ADAM12: variants seen among roughly 807,000 people sequenced by gnomAD.
ADAM12 encodes the protein disintegrin and metalloproteinase domain-containing protein 12.
In ADAM12, 70 loss-of-function variants were observed where a neutral mutation model predicts 106.4. The observed-to-expected ratio is 0.66, with a 90% CI of 0.54 to 0.80. ADAM12 has a LOEUF of 0.80. Among genes scored for constraint, ADAM12 ranks in the 30% least tolerant of loss-of-function variants. The pLI, the probability that ADAM12 is intolerant of heterozygous loss-of-function variation, is 0.00. For synonymous variants in ADAM12, 420 were observed against 433.5 expected (o/e 0.97, Z 0.39); for missense variants, 1,010 against 1,171.9 (o/e 0.86, Z 2.02).
chr10:126,143,612 TGG>T (rs541458809), intron 4 of ADAM12, among the ~76,000 whole-genome samples: 1 of 148,762 alleles, frequency 6.7e-6, no homozygotes, highest in Non-Finnish European at 1.5e-5. Context: ...TGTATGTATA[TGG>T]GGGTGCGTGG....
At chr10:126,321,228 A>T (rs547775992) in intron 2 of ADAM12, among the ~76,000 whole-genome samples, 29 of 152,334 alleles carry the variant, frequency 1.9e-4, no homozygotes, top group Admixed American at 6.5e-4. Flanking sequence ...TATATTTTAC[A>T]ATTTCTGTCT....
intron 3 of ADAM12, among the ~76,000 whole-genome samples, chr10:126,176,749 C>T (rs1304434464): frequency 6.6e-6 from 1 of 152,150 alleles, no homozygotes; most frequent in Non-Finnish European, 1.5e-5. Flanking sequence ...CGGCTCTGAA[C>T]AAAATCTCTC....
intron 1 of ADAM12, among the ~76,000 whole-genome samples, chr10:126,358,106 G>A (rs928452950): frequency 6.6e-6 from 1 of 151,788 alleles, no homozygotes; most frequent in Admixed American, 6.6e-5. Context: ...TGAACCCCGG[G>A]GGGTGGAACC....
At chr10:126,107,431 G>C (rs931056073) in intron 8 of ADAM12, among the ~76,000 whole-genome samples, 1 of 152,322 alleles carries the variant, frequency 6.6e-6, no homozygotes, top group East Asian at 1.9e-4. Context: ...GATGCAGAGT[G>C]CATAAGGTCT....
chr10:126,095,365 T>G (rs1186765889), intron 10 of ADAM12, among the ~76,000 whole-genome samples: 1 of 151,748 alleles, frequency 6.6e-6, no homozygotes, highest in Non-Finnish European at 1.5e-5. Context: ...AAACCCTGTC[T>G]CTACTAAAAA....
intron 5 of ADAM12, among the ~76,000 whole-genome samples, chr10:126,125,594 C>T (rs554011886): frequency 5.9e-5 from 9 of 152,100 alleles, no homozygotes; most frequent in African/African-American, 2.2e-4. Context: ...AAGCAGATAA[C>T]ATGAGCCCAT....
chr10:126,203,451 T>TG (rs1236601447), intron 3 of ADAM12, among the ~76,000 whole-genome samples: 1 of 152,108 alleles, frequency 6.6e-6, no homozygotes, highest in African/African-American at 2.4e-5. Flanking sequence ...GGAATGGAGG[T>TG]GCTTCAGCCA....
intron 10 of ADAM12, among the ~76,000 whole-genome samples, chr10:126,094,634 T>A (rs537154689): frequency 1.3e-5 from 2 of 152,344 alleles, no homozygotes; most frequent in African/African-American, 4.8e-5. Context: ...CCTCTTCCTG[T>A]GTGCTTGGTC....
At chr10:126,051,436 T>C (rs927118597) in intron 14 of ADAM12, among the ~76,000 whole-genome samples, 3 of 151,792 alleles carry the variant, frequency 2.0e-5, no homozygotes, top group Non-Finnish European at 4.4e-5. Flanking sequence ...CATCCACTCG[T>C]CCATCCAGCC....
intron 3 of ADAM12, among the ~76,000 whole-genome samples, chr10:126,156,180 G>A (rs1203729928): frequency 6.6e-6 from 1 of 152,114 alleles, no homozygotes; most frequent in Non-Finnish European, 1.5e-5. Flanking sequence ...ACCACGAGCT[G>A]GTAGGGTGAT....
chr10:126,033,566 T>C (rs1393274201), intron 21 of ADAM12, among the ~76,000 whole-genome samples: 1 of 152,092 alleles, frequency 6.6e-6, no homozygotes, highest in East Asian at 1.9e-4. Flanking sequence ...GCCAAAAGAC[T>C]AGAGAAAGAG....
intron 3 of ADAM12, among the ~76,000 whole-genome samples, chr10:126,179,269 T>C (rs1444800182): frequency 6.6e-6 from 1 of 152,182 alleles, no homozygotes. Flanking sequence ...GTAGTTAGCA[T>C]TAGAGCCGCT....
At chr10:126,305,028 C>T (rs113162055) in intron 2 of ADAM12, among the ~76,000 whole-genome samples, 10 of 151,866 alleles carry the variant, frequency 6.6e-5, no homozygotes, top group African/African-American at 1.7e-4. Context: ...ATATTTCTGG[C>T]GGGAAAGTAA....
At chr10:126,211,815 A>T (rs1741093391) in intron 3 of ADAM12, among the ~76,000 whole-genome samples, 1 of 152,142 alleles carries the variant, frequency 6.6e-6, no homozygotes, top group Admixed American at 6.5e-5. Flanking sequence ...ACAGATCCAG[A>T]TGGATAATGA....
rs541317078 is a variant in ADAM12 at position 126,230,397 on chromosome 10, A to T, written c.260+48518T>A. On this transcript the variant is annotated intron_variant, in intron 3 of 22. Coordinates refer to ENST00000448723, the MANE Select transcript of ADAM12 (RefSeq NM_001288973.2). ...TTGCATATGCCTTGGGATACACTATACTTTCCTGAGGATAAATCCCTGATG... is the reference window on the plus strand; with the variant it reads ...TTGCATATGCCTTGGGATACACTATTCTTTCCTGAGGATAAATCCCTGATG... 3.9e-5 allele frequency among the ~76,000 whole-genome samples: 6 copies of T among 152,250 alleles called. No individual in the cohort carries two copies. The South Asian group carries it at 1.2e-3, about 32-fold the overall frequency.
intron 1 of ADAM12, among the ~76,000 whole-genome samples, chr10:126,347,314 G>T (rs1855180175): frequency 1.3e-5 from 2 of 152,186 alleles, no homozygotes; most frequent in Admixed American, 6.5e-5. Context: ...ATTCTGGGTT[G>T]AAAATTCTTC....
At chr10:126,325,443 C>CGTTTT (rs779291205) in intron 2 of ADAM12, among the ~76,000 whole-genome samples, 6 of 152,114 alleles carry the variant, frequency 3.9e-5, no homozygotes, top group Non-Finnish European at 8.8e-5. Flanking sequence ...AGCAGGGCTC[C>CGTTTT]GTTTTCTCAG....
At chr10:126,268,050 A>G (rs1299792269) in intron 3 of ADAM12, among the ~76,000 whole-genome samples, 1 of 151,494 alleles carries the variant, frequency 6.6e-6, no homozygotes, top group East Asian at 1.9e-4. Flanking sequence ...TTGTACAACC[A>G]TCACTGACAT....
intron 3 of ADAM12, among the ~76,000 whole-genome samples, chr10:126,219,490 A>G (rs1294279543): frequency 6.6e-6 from 1 of 152,198 alleles, no homozygotes; most frequent in Non-Finnish European, 1.5e-5. Context: ...CAGAGCTATA[A>G]AATGTCCACA....
Sources: allele counts gnomAD v4.1 joint callset (sites outside exome capture counted in the v4.1 genomes callset), GRCh38; gene constraint gnomAD v4.1.1; transcripts MANE v1.5; gene names NCBI Gene and HGNC (gene_info 2026-07-23, HGNC 2026-07-21).